PCM1: variants seen among roughly 807,000 people sequenced by gnomAD.
PCM1 encodes the protein pericentriolar material 1, also known as pericentriolar material 1 protein.
A neutral mutation model predicts 241.9 loss-of-function variants in PCM1; 157 were observed. The ratio of observed to expected loss-of-function variants is 0.65; its 90% CI spans 0.57 to 0.74. The LOEUF is 0.74. PCM1 is among the 30% of genes least tolerant of loss of function. The probability of loss-of-function intolerance (pLI) is 0.00; values close to 1 mark genes in which losing one functional copy is unlikely to be tolerated. For synonymous variants in PCM1, 1,085 were observed against 784.9 expected (o/e 1.38, Z -6.39); for missense variants, 3,478 against 2,360.1 (o/e 1.47, Z -9.81).
At chr8:18,021,248 C>T (rs1011941963) in intron 36 of PCM1, among the ~76,000 whole-genome samples, 4 of 152,166 alleles carry the variant, frequency 2.6e-5, no homozygotes, top group African/African-American at 9.7e-5. Context: ...AAAGGCCCTG[C>T]ACTCTACAAA....
intron 36 of PCM1, among the ~76,000 whole-genome samples, chr8:18,015,952 G>A (rs942447854): frequency 6.6e-6 from 1 of 152,142 alleles, no homozygotes; most frequent in Non-Finnish European, 1.5e-5. Context: ...GCAGTGGCGC[G>A]ATCTCGGCTC....
intron 36 of PCM1, among the ~76,000 whole-genome samples, chr8:18,024,227 G>C (rs577070426): frequency 6.6e-6 from 1 of 152,242 alleles, no homozygotes; most frequent in South Asian, 2.1e-4. Context: ...TTAGCCAGGC[G>C]TGAGAGTGCA....
chr8:17,937,233 C>A lies in PCM1; in HGVS notation c.196C>A (p.Pro66Thr). 2 of 1,609,288 alleles carry A rather than the reference C, an allele frequency of 1.2e-6. No individual in the cohort carries two copies. The highest frequency in any genetic ancestry group is 2.2e-5 in the South Asian group (2 of 90,368). ...SDKRVTNDIS[P>T]ESSPGVGRRR... ...TAAAAGAGTAACCAATGATATTTCT[C>A]CGGAGTCGTCACCAGGAGTTGGAAG... is the stretch of plus-strand genomic sequence containing the variant. The change falls in exon 4 of 39, where the codon CCG (proline) becomes ACG (threonine). Residue 66 changes from proline (P) to threonine (T), a missense_variant. By Grantham distance (38) the Pro-to-Thr change is conservative. Transcript: ENST00000325083.
chr8:17,973,788 A>C (rs2129472658), intron 23 of PCM1, among the ~76,000 whole-genome samples: 1 of 152,240 alleles, frequency 6.6e-6, no homozygotes, highest in Non-Finnish European at 1.5e-5. Flanking sequence ...TTTGAAATGC[A>C]TTGCACACTG....
chr8:17,934,744 G>C (rs1423912945), intron 2 of PCM1: 1 of 152,112 alleles, frequency 6.6e-6, no homozygotes, highest in Non-Finnish European at 1.5e-5. Context: ...ACAGCTAGTG[G>C]AAATCCAAAG....
At chr8:17,981,553 C>T (rs1027041078) in intron 24 of PCM1, among the ~76,000 whole-genome samples, 1 of 152,130 alleles carries the variant, frequency 6.6e-6, no homozygotes, top group Non-Finnish European at 1.5e-5. Context: ...GAGGCAATAA[C>T]ATGACATTAG....
chr8:17,937,421 A>G, intron 4 of PCM1, 42 bp downstream of exon 4: 2 of 1,424,988 alleles, frequency 1.4e-6, no homozygotes, highest in South Asian at 1.4e-5. Flanking sequence ...TACTGTGAGA[A>G]ATACTTGAAA....
chr8:17,944,455 G>A (rs536675427), intron 6 of PCM1, among the ~76,000 whole-genome samples: 145 of 152,248 alleles, frequency 9.5e-4, no homozygotes, highest in Admixed American at 1.4e-3. Context: ...GAGAACCTCA[G>A]TTGAGTAGAG....
chr8:17,989,503 G>A (rs1473714311), intron 26 of PCM1, among the ~76,000 whole-genome samples: 1 of 152,046 alleles, frequency 6.6e-6, no homozygotes, highest in Non-Finnish European at 1.5e-5. Flanking sequence ...ACCAGGTAGA[G>A]TAAGCTACTA....
chr8:17,973,359 T>C (rs1291722744), intron 23 of PCM1, among the ~76,000 whole-genome samples: 1 of 152,200 alleles, frequency 6.6e-6, no homozygotes, highest in Non-Finnish European at 1.5e-5. Flanking sequence ...TGAAGGATAT[T>C]CTTTTTATGT....
Position 17,950,714 on chromosome 8 carries a change from G to A in PCM1, c.1061G>A (p.Arg354His), listed in dbSNP as rs571724658. 5.5e-5 allele frequency: 85 copies of A among 1,558,132 alleles called. No individual in the cohort carries two copies. Among genetic ancestry groups the A allele is most frequent in the Non-Finnish European group, 7.0e-5 (80 of 1,137,332 alleles). The change falls in exon 8 of 39, where the codon CGT (arginine) becomes CAT (histidine). Residue 354 changes from arginine (R) to histidine (H), a missense_variant. By Grantham distance (29) the Arg-to-His change is conservative. Transcript: ENST00000325083. The part of the protein sequence containing the change: ...DLIQRFHNQL[R>H]DSQPPAVPDN... Reference sequence around the variant, plus strand: ...ATTCAGCGTTTTCATAATCAGCTTCGTGATTCTCAGGTAACCTAGATGTTT... The same window carrying A: ...ATTCAGCGTTTTCATAATCAGCTTCATGATTCTCAGGTAACCTAGATGTTT...
At chr8:18,024,327 G>A (rs942902165) in intron 36 of PCM1, among the ~76,000 whole-genome samples, 14 of 151,988 alleles carry the variant, frequency 9.2e-5, no homozygotes, top group African/African-American at 2.2e-4. Context: ...GATTGCCCCT[G>A]CTGCATTCCA....
In PCM1 at chr8:18,011,713, A is replaced by G. The variant is rs1219416350; in HGVS notation, c.5397A>G (p.Gly1799=). Residue 1799 remains glycine (G), a synonymous_variant, in exon 34 of 39, where the codon GGA becomes GGG. Transcript: ENST00000325083. ...ETQALTNYGS[G]EDENEDEEME... ...AGGCTTTAACTAATTATGGAAGTGG[A>G]GAAGATGAAAATGAGGATGAAGAAA... 6.8e-6 allele frequency: 11 copies of G among 1,613,074 alleles called. No individual in the cohort carries two copies. Among genetic ancestry groups the G allele is most frequent in the Non-Finnish European group, 9.3e-6 (11 of 1,179,382 alleles).
At chr8:18,006,187 T>A (rs747584495) in intron 29 of PCM1, 76 bp from the exon 30 acceptor site, 2 of 1,125,742 alleles carry the variant, frequency 1.8e-6, no homozygotes, top group East Asian at 2.7e-5. Context: ...AATTAACATT[T>A]TGTATTATAT....
chr8:17,952,922 A>G, intron 8 of PCM1, 48 bp from the exon 9 acceptor site: 2 of 1,130,638 alleles, frequency 1.8e-6, no homozygotes, highest in Non-Finnish European at 2.5e-6. Context: ...GAATGCATTT[A>G]ATTGCGTTAG....
intron 6 of PCM1, among the ~76,000 whole-genome samples, chr8:17,944,394 A>G (rs755782453): frequency 6.6e-6 from 1 of 152,174 alleles, no homozygotes; most frequent in Non-Finnish European, 1.5e-5. Context: ...ATTGAAGTAC[A>G]TAATTATCTG....
rs761384881 is a variant in PCM1, at chr8:17,985,485, G to A, written c.4147G>A (p.Asp1383Asn). 2.6e-6 allele frequency: 4 copies of A among 1,565,706 alleles called. No individual in the cohort carries two copies. The highest frequency in any genetic ancestry group is 2.6e-6 in the Non-Finnish European group (3 of 1,152,970). The change falls in exon 25 of 39, where the codon GAT becomes AAT. Residue 1383 changes from aspartate (D) to asparagine (N), a missense_variant. Asp to Asn is a conservative substitution (Grantham distance 23). Coordinates refer to ENST00000325083, the MANE Select transcript of PCM1 (RefSeq NM_006197.4). The part of the protein sequence containing the change: ...SDFSMFEALR[D>N]TIYSEVATLI... ...TTTTTCCATGTTTGAAGCTTTGCGA[G>A]ATACTATTTATTCTGAAGTAGCTAC...
At chr8:17,993,659 T>G in intron 29 of PCM1, 40 bp downstream of exon 29, 1 of 1,520,230 alleles carries the variant, frequency 6.6e-7, no homozygotes, top group Non-Finnish European at 8.9e-7. Flanking sequence ...ACCTTCTATG[T>G]TTTGTTTTTT....
rs756875903 is a variant in PCM1, at chr8:17,938,841, T to C, written c.444T>C (p.Ile148=). 1 of 1,613,648 alleles carries C rather than the reference T, an allele frequency of 6.2e-7. No homozygotes were observed. The highest frequency in any genetic ancestry group is 1.7e-5 in the Admixed American group (1 of 60,022). ...RKPFNFLPMQ[I]NTNKSKDAST... is the part of the protein sequence containing the mutation. ...CCTTCAACTTTTTGCCTATGCAGAT[T>C]AATACTAACAAGAGCAAAGATGCAT... The change falls in exon 5 of 39, where the codon ATT becomes ATC. Residue 148 remains isoleucine, a synonymous_variant. Transcript: ENST00000325083.
Sources: gnomAD v4.1 joint callset for allele counts (sites outside exome capture counted in the v4.1 genomes callset) on GRCh38, gnomAD v4.1.1 for gene constraint, MANE v1.5 for transcripts, NCBI Gene and HGNC (gene_info 2026-07-23, HGNC 2026-07-21) for gene names.